The following TINAG variants were observed in gnomAD, a reference collection of about 807,000 sequenced individuals.
TINAG encodes tubulointerstitial nephritis antigen.
TINAG carries 83 observed loss-of-function variants against 72.7 expected under a neutral mutation model. The ratio of observed to expected loss-of-function variants is 1.14; its 90% CI spans 0.96 to 1.37. The LOEUF (loss-of-function observed/expected upper bound fraction) is 1.37, where lower values mean the gene tolerates loss of function less well. Among genes scored for constraint, TINAG ranks in the 40% most tolerant of loss-of-function variants. The probability of loss-of-function intolerance (pLI) is 0.00; values close to 1 mark genes in which losing one functional copy is unlikely to be tolerated. For synonymous variants in TINAG, 234 were observed against 189.9 expected, an observed-to-expected ratio of 1.23 and a Z score of -1.91; for missense variants, 685 against 576.6, an observed-to-expected ratio of 1.19 and a Z score of -1.93.
chr6:54,389,906 C>A lies in TINAG; in HGVS notation c.1412C>A (p.Thr471Lys). 6 of 1,611,216 alleles carry A rather than the reference C, an allele frequency of 3.7e-6. No individual in the cohort carries two copies. Among genetic ancestry groups the A allele is most frequent in the Non-Finnish European group, 5.1e-6 (6 of 1,178,808 alleles). The change falls in exon 11 of 11, where the codon ACG (threonine) becomes AAG (lysine). Residue 471 changes from threonine (T) to lysine (K), a missense_variant. Transcript: ENST00000259782. ...KLIIAAWGQLTSSDEP is the reference protein window; with the variant it reads ...KLIIAAWGQLKSSDEP The stretch of plus-strand genomic sequence containing the variant: ...ATTATCGCAGCTTGGGGCCAACTGA[C>A]GAGTTCTGATGAACCATAACATATC...
chr6:54,359,770 T>G (rs1763164862), intron 9 of TINAG, among the ~76,000 whole-genome samples: 1 of 151,878 alleles, frequency 6.6e-6, no homozygotes, highest in Non-Finnish European at 1.5e-5. Flanking sequence ...CATTGGTAGG[T>G]GCCCTGGAGC....
chr6:54,356,452 G>T (rs573252874), intron 9 of TINAG, among the ~76,000 whole-genome samples: 2 of 151,784 alleles, frequency 1.3e-5, no homozygotes, highest in Admixed American at 1.3e-4. Context: ...CACGAGAATC[G>T]CTTAAACCCT....
intron 3 of TINAG, among the ~76,000 whole-genome samples, chr6:54,321,736 C>T (rs1204667148): frequency 1.3e-5 from 2 of 152,104 alleles, no homozygotes; most frequent in Non-Finnish European, 2.9e-5. Context: ...TGCTGCTGCC[C>T]TCACCAAGCC....
chr6:54,323,971 A>C (rs750827795), intron 3 of TINAG, among the ~76,000 whole-genome samples: 5 of 152,162 alleles, frequency 3.3e-5, no homozygotes, highest in Non-Finnish European at 7.3e-5. Context: ...ACAAAAAAAC[A>C]AATAATTTTT....
chr6:54,361,522 G>T (rs371851066), intron 9 of TINAG, among the ~76,000 whole-genome samples: 111 of 151,726 alleles, frequency 7.3e-4, no homozygotes, highest in African/African-American at 2.5e-3. Flanking sequence ...TACAAGAACA[G>T]TAAGGGGGAG....
intron 4 of TINAG, among the ~76,000 whole-genome samples, chr6:54,336,978 G>A (rs1285051719): frequency 6.6e-6 from 1 of 151,718 alleles, no homozygotes; most frequent in Admixed American, 6.6e-5. Context: ...ACTTTCTATA[G>A]TATGTTGGAA....
intron 9 of TINAG, among the ~76,000 whole-genome samples, chr6:54,366,851 A>G (rs1763441649): frequency 6.6e-6 from 1 of 151,672 alleles, no homozygotes; most frequent in Admixed American, 6.6e-5. Context: ...TGAGCAGGAA[A>G]TGCCTAATCT....
At position 54,380,381 on chromosome 6, in the gene TINAG, G is replaced by A. The variant is rs114159081; in HGVS notation, c.1251-145G>A. On this transcript the variant is annotated intron_variant, in intron 9 of 10. Coordinates refer to ENST00000259782, the MANE Select transcript of TINAG (RefSeq NM_014464.4). ...AAAACTATATGAGCACATTTCTGTA[G>A]GGCAATGGTGATATTTCCATTGTGA... is the stretch of plus-strand genomic sequence containing the variant. 3.1e-3 allele frequency: 1,788 copies of A among 571,184 alleles called. 22 individuals carry two copies. Among genetic ancestry groups the A allele is most frequent in the African/African-American group, 0.026 (1,344 of 52,496 alleles). 35.4% of individuals were successfully genotyped at this position (571,184 alleles called of 1,614,324 possible).
intron 9 of TINAG, among the ~76,000 whole-genome samples, chr6:54,360,555 T>C (rs968466859): frequency 4.2e-4 from 63 of 151,794 alleles, no homozygotes; most frequent in African/African-American, 1.5e-3. Flanking sequence ...ATTTGCCCTG[T>C]GTCCCTGTCC....
At chr6:54,344,880 AT>A (rs1182178156) in intron 5 of TINAG, among the ~76,000 whole-genome samples, 22 of 152,222 alleles carry the variant, frequency 1.4e-4, no homozygotes, top group Non-Finnish European at 2.6e-4. Context: ...AAAGAAAAAA[AT>A]AAACTAAATT....
At chr6:54,344,881 TAAAC>T (rs1215891551) in intron 5 of TINAG, among the ~76,000 whole-genome samples, 1 of 151,948 alleles carries the variant, frequency 6.6e-6, no homozygotes, top group Admixed American at 6.6e-5. Flanking sequence ...AAGAAAAAAA[TAAAC>T]TAAATTATCA....
At chr6:54,351,864 C>G (rs537560001) in intron 8 of TINAG, among the ~76,000 whole-genome samples, 1 of 151,686 alleles carries the variant, frequency 6.6e-6, no homozygotes, top group Non-Finnish European at 1.5e-5. Context: ...CAAAATAAAG[C>G]GAGTAAACTA....
At chr6:54,355,947 A>G (rs1486293498) in intron 9 of TINAG, among the ~76,000 whole-genome samples, 1 of 151,864 alleles carries the variant, frequency 6.6e-6, no homozygotes, top group African/African-American at 2.4e-5. Flanking sequence ...TGAAAAGGAA[A>G]ATTTTGCTAA....
chr6:54,379,890 C>A (rs1222926154), intron 9 of TINAG, among the ~76,000 whole-genome samples: 1 of 151,978 alleles, frequency 6.6e-6, no homozygotes, highest in East Asian at 1.9e-4. Flanking sequence ...ATCAACCAGT[C>A]ATCTACATTA....
intron 8 of TINAG, among the ~76,000 whole-genome samples, chr6:54,353,863 C>A (rs79800365): frequency 6.6e-6 from 1 of 151,664 alleles, no homozygotes; most frequent in Non-Finnish European, 1.5e-5. Flanking sequence ...AAGGCTTCAC[C>A]CTGAATTGCC....
At position 54,347,445 on chromosome 6, in the gene TINAG, G is replaced by T. The variant is rs756425465; in HGVS notation, c.827G>T (p.Cys276Phe). 6.2e-7 allele frequency: 1 copy of T among 1,613,304 alleles called. No homozygotes were observed. Among genetic ancestry groups the T allele is most frequent in the South Asian group, 1.1e-5 (1 of 91,058 alleles). Reference protein sequence around the residue: ...ANLSPQNLISCCAKNRHGCNS... With the variant: ...ANLSPQNLISFCAKNRHGCNS... ...CTATCCCCTCAGAATTTGATCTCTT[G>T]CTGTGCCAAGAACCGTCATGGATGC... The change falls in exon 6 of 11, where the codon TGC becomes TTC. Residue 276 changes from cysteine (C) to phenylalanine (F), a missense_variant. By Grantham distance (205) the Cys-to-Phe change is radical. Coordinates refer to ENST00000259782, the MANE Select transcript of TINAG (RefSeq NM_014464.4).
intron 9 of TINAG, among the ~76,000 whole-genome samples, chr6:54,358,439 G>A (rs557061048): frequency 1.3e-5 from 2 of 148,816 alleles, no homozygotes; most frequent in East Asian, 4.0e-4. Context: ...TGCACTTAAT[G>A]TTTTCTCTTT....
intron 9 of TINAG, among the ~76,000 whole-genome samples, chr6:54,371,984 T>TTTTTTTTTTTGTTTTTTTTTTTG (rs1763627413): frequency 1.3e-5 from 1 of 78,704 alleles, no homozygotes; most frequent in African/African-American, 6.1e-5. Context: ...AAGTCATGTT[T>TTTTTTTTTTTGTTTTTTTTTTTG]TTTTTTTTTT....
At chr6:54,381,667 AG>A (rs891725467) in intron 10 of TINAG, among the ~76,000 whole-genome samples, 1 of 152,132 alleles carries the variant, frequency 6.6e-6, no homozygotes, top group Non-Finnish European at 1.5e-5. Context: ...TAAAATAATT[AG>A]TAGCCAACAA....
Sources: gnomAD v4.1 joint callset for allele counts (sites outside exome capture counted in the v4.1 genomes callset) on GRCh38, gnomAD v4.1.1 for gene constraint, MANE v1.5 for transcripts, NCBI Gene and HGNC (gene_info 2026-07-23, HGNC 2026-07-21) for gene names.